CTDSPL: variants seen among roughly 807,000 people sequenced by gnomAD.
The protein encoded by CTDSPL is CTD small phosphatase-like protein.
Under a neutral mutation model 30.5 loss-of-function variants are expected in CTDSPL, and 8 were observed. The observed-to-expected ratio is 0.26, with a 90% CI of 0.15 to 0.47. The LOEUF (loss-of-function observed/expected upper bound fraction) is 0.47, where lower values mean the gene tolerates loss of function less well. CTDSPL is among the 20% of genes least tolerant of loss of function. CTDSPL has a pLI of 0.99. For missense variants in CTDSPL, 248 were observed against 366.1 expected, an observed-to-expected ratio of 0.68 and a Z score of 2.63; for synonymous variants, 110 against 137.9, an observed-to-expected ratio of 0.80 and a Z score of 1.42.
chr3:37,955,856 A>G (rs1181534312), intron 2 of CTDSPL, among the ~76,000 whole-genome samples: 1 of 152,222 alleles, frequency 6.6e-6, no homozygotes, highest in Non-Finnish European at 1.5e-5. Flanking sequence ...AGTTTTTTTA[A>G]AAGTATGTCC....
chr3:37,932,348 C>G (rs1698864462), intron 1 of CTDSPL, among the ~76,000 whole-genome samples: 1 of 152,096 alleles, frequency 6.6e-6, no homozygotes, highest in African/African-American at 2.4e-5. Flanking sequence ...TTCCTAAAAG[C>G]TTAAAACTTC....
At chr3:37,890,711 G>C (rs528664893) in intron 1 of CTDSPL, among the ~76,000 whole-genome samples, 1 of 152,330 alleles carries the variant, frequency 6.6e-6, no homozygotes, top group Non-Finnish European at 1.5e-5. Context: ...CAGGCTCCGT[G>C]CTCTGAGGCT....
chr3:37,944,525 A>G (rs894197047), intron 1 of CTDSPL, among the ~76,000 whole-genome samples: 1 of 150,022 alleles, frequency 6.7e-6, no homozygotes, highest in African/African-American at 2.4e-5. Context: ...CAGAGCACCC[A>G]CGTCTGGAGC....
intron 1 of CTDSPL, among the ~76,000 whole-genome samples, chr3:37,910,199 G>A (rs1311522064): frequency 2.0e-5 from 3 of 152,140 alleles, no homozygotes; most frequent in African/African-American, 7.2e-5. Flanking sequence ...GAATATTTTG[G>A]CCTGGCGCAG....
chr3:37,912,201 C>T (rs1698591380), intron 1 of CTDSPL, among the ~76,000 whole-genome samples: 1 of 152,168 alleles, frequency 6.6e-6, no homozygotes, highest in African/African-American at 2.4e-5. Flanking sequence ...GTGGGGTCCA[C>T]CCAGGAGTGA....
At chr3:37,963,858 C>T (rs1699269099) in intron 3 of CTDSPL, among the ~76,000 whole-genome samples, 1 of 151,862 alleles carries the variant, frequency 6.6e-6, no homozygotes, top group Non-Finnish European at 1.5e-5. Flanking sequence ...GGCAGAGAAT[C>T]CAAGGGGTAA....
intron 1 of CTDSPL, among the ~76,000 whole-genome samples, chr3:37,936,656 TAA>T (rs577097327): frequency 0.011 from 1,023 of 94,706 alleles, 6 homozygotes; most frequent in Middle Eastern, 0.024. Flanking sequence ...TCTCCCCAGT[TAA>T]AAAAAAAAAA....
chr3:37,974,501 A>G, intron 6 of CTDSPL, among the ~76,000 whole-genome samples: 1 of 152,216 alleles, frequency 6.6e-6, no homozygotes, highest in East Asian at 1.9e-4. Flanking sequence ...GTCTTGGTGC[A>G]GGGGCCTGGC....
intron 1 of CTDSPL, among the ~76,000 whole-genome samples, chr3:37,873,476 A>G (rs1234206265): frequency 6.6e-6 from 1 of 152,176 alleles, no homozygotes; most frequent in African/African-American, 2.4e-5. Flanking sequence ...TCACCACCCT[A>G]TTGTTCTTTA....
chr3:37,862,383 G>A lies in CTDSPL; in HGVS notation c.79+105G>A. ...ATGGGCCTGGGGGAGGGGTGCACAG[G>A]GCCCGGAGGGTGCGTGGGTGTGGGG... On this transcript the variant is annotated intron_variant, in intron 1 of 7. Transcript: ENST00000273179. The surrounding 1 kb of genome is among the most constrained non-coding windows in gnomAD (Gnocchi z 4.3). The A allele has an allele frequency of 1.0e-6, 1 of 956,536 alleles. No homozygotes were observed. The highest frequency in any genetic ancestry group is 1.4e-6 in the Non-Finnish European group (1 of 725,286). 59.3% of individuals were successfully genotyped at this position (956,536 alleles called of 1,614,324 possible). A position where few individuals can be genotyped will look rare whatever the true frequency, so the allele number is the denominator to read the frequency against.
At chr3:37,879,764 T>A (rs1185187553) in intron 1 of CTDSPL, among the ~76,000 whole-genome samples, 2 of 152,112 alleles carry the variant, frequency 1.3e-5, no homozygotes, top group Non-Finnish European at 2.9e-5. Flanking sequence ...CACTTAAGAG[T>A]TATGTGAACT....
chr3:37,911,403 T>C (rs1040169493), intron 1 of CTDSPL, among the ~76,000 whole-genome samples: 2 of 152,182 alleles, frequency 1.3e-5, no homozygotes, highest in Non-Finnish European at 2.9e-5. Context: ...GTGACTTCCC[T>C]TTTGTTACTC....
intron 1 of CTDSPL, among the ~76,000 whole-genome samples, chr3:37,933,027 C>T (rs34549081): frequency 0.12 from 17,909 of 151,784 alleles, 1,137 homozygotes; most frequent in Middle Eastern, 0.16. Flanking sequence ...GTGGTGGGCA[C>T]GTGTAATCCC....
chr3:37,895,593 T>C (rs1698381914), intron 1 of CTDSPL, among the ~76,000 whole-genome samples: 2 of 152,334 alleles, frequency 1.3e-5, no homozygotes, highest in Non-Finnish European at 2.9e-5. Flanking sequence ...TCTAGATCTT[T>C]TTCCATTTTC....
rs71635858 is a variant in CTDSPL at position 37,948,808 on chromosome 3, C to CTTTTTTTTTT, written c.234+1611_234+1620dup. Among the ~76,000 whole-genome samples the CTTTTTTTTTT allele has an allele frequency of 8.8e-4, 95 of 108,134 alleles. 2 individuals are homozygous for CTTTTTTTTTT. The highest frequency in any genetic ancestry group is 3.0e-3 in the African/African-American group (74 of 24,444). 70.9% of individuals were successfully genotyped at this position (108,134 alleles called of 152,430 possible). A position where few individuals can be genotyped will look rare whatever the true frequency, so the allele number is the denominator to read the frequency against. On this transcript the variant is annotated intron_variant, in intron 2 of 7. Transcript: ENST00000273179. ...TAATGAGAGACCATTTTCCAGCTTT[C>CTTTTTTTTTT]TTTTTTTTTTTTTTTTTTTTTTTGA...
At chr3:37,969,347 C>T (rs1003533569) in intron 5 of CTDSPL, 56 of 491,878 alleles carry the variant, frequency 1.1e-4, no homozygotes, top group African/African-American at 1.0e-3. Context: ...AATTCTCTCC[C>T]GAGGGAATGA....
At chr3:37,946,392 A>C (rs1474209803) in intron 1 of CTDSPL, among the ~76,000 whole-genome samples, 1 of 152,190 alleles carries the variant, frequency 6.6e-6, no homozygotes, top group East Asian at 1.9e-4. Flanking sequence ...GGGCAGGAAC[A>C]TGTGTTCTCC....
intron 1 of CTDSPL, among the ~76,000 whole-genome samples, chr3:37,916,378 A>G (rs1698646965): frequency 6.6e-6 from 1 of 152,192 alleles, no homozygotes; most frequent in Non-Finnish European, 1.5e-5. Context: ...TCCTCCAAAA[A>G]GATATGTTGA....
intron 1 of CTDSPL, among the ~76,000 whole-genome samples, chr3:37,870,726 G>C (rs1364849634): frequency 6.6e-6 from 1 of 152,124 alleles, no homozygotes; most frequent in Admixed American, 6.5e-5. Context: ...CACTACCTTA[G>C]CTGTGTCCCA....
Sources: allele counts gnomAD v4.1 joint callset (sites outside exome capture counted in the v4.1 genomes callset), GRCh38; gene constraint gnomAD v4.1.1; non-coding constraint Gnocchi (gnomAD v3.1); transcripts MANE v1.5; gene names NCBI Gene and HGNC (gene_info 2026-07-23, HGNC 2026-07-21).